Variants in PRORP observed in about 807,000 individuals in gnomAD.
PRORP encodes the protein protein only RNase P catalytic subunit, also known as mitochondrial ribonuclease P catalytic subunit.
A neutral mutation model predicts 59.4 loss-of-function variants in PRORP; 51 were observed. That is an observed-to-expected ratio of 0.86 (90% CI 0.69 to 1.08). The LOEUF is 1.08. PRORP is among the 50% of genes least tolerant of loss of function. The pLI, the probability that PRORP is intolerant of heterozygous loss-of-function variation, is 0.00. For missense variants in PRORP, 646 were observed against 690.3 expected (o/e 0.94, Z 0.72); for synonymous variants, 231 against 245.6 (o/e 0.94, Z 0.55).
At chr14:35,166,938 T>C (rs1005205276) in intron 4 of PRORP, among the ~76,000 whole-genome samples, 2 of 152,154 alleles carry the variant, frequency 1.3e-5, no homozygotes, top group African/African-American at 2.4e-5. Context: ...ACCTTTTGGA[T>C]CTAGACTCAT....
Position 35,178,808 on chromosome 14 carries a change from A to G in PRORP, c.1168-1862A>G, listed in dbSNP as rs368528825. Among the ~76,000 whole-genome samples, 16 of 152,282 alleles carry G rather than the reference A, an allele frequency of 1.1e-4. No homozygotes were observed. The East Asian group carries it at 2.5e-3, about 24-fold the overall frequency. ...GTGATGTTAGCTGGTTATTTTGCTC[A>G]TTAGTTGATGCAGTTTCTTCCTAGC... On this transcript the variant is annotated intron_variant, in intron 4 of 7. Coordinates refer to ENST00000534898, the MANE Select transcript of PRORP (RefSeq NM_014672.4).
At chr14:35,167,379 T>C (rs958135489) in intron 4 of PRORP, among the ~76,000 whole-genome samples, 5 of 152,202 alleles carry the variant, frequency 3.3e-5, no homozygotes, top group Non-Finnish European at 5.9e-5. Context: ...TCTACTCTTT[T>C]TTGTCTCCAA....
intron 5 of PRORP, among the ~76,000 whole-genome samples, chr14:35,249,839 C>T (rs373754587): frequency 2.8e-4 from 42 of 152,128 alleles, no homozygotes; most frequent in African/African-American, 9.2e-4. Context: ...AATTAATTTG[C>T]TCTTCTTTCA....
intron 5 of PRORP, among the ~76,000 whole-genome samples, chr14:35,256,326 C>CTTTTTTTT (rs1178856754): frequency 2.4e-5 from 2 of 82,814 alleles, no homozygotes; most frequent in African/African-American, 5.5e-5. Flanking sequence ...TTGTGCGTAT[C>CTTTTTTTT]TTTTTTTTTT....
intron 5 of PRORP, among the ~76,000 whole-genome samples, chr14:35,261,358 A>G (rs527532446): frequency 1.2e-4 from 18 of 152,182 alleles, no homozygotes; most frequent in Non-Finnish European, 1.9e-4. Flanking sequence ...GGAGAAGTAC[A>G]TCTACTCCAT....
chr14:35,256,067 C>CCT (rs2050744309), intron 5 of PRORP, among the ~76,000 whole-genome samples: 1 of 151,594 alleles, frequency 6.6e-6, no homozygotes, highest in Admixed American at 6.6e-5. Flanking sequence ...GGGCGGATCA[C>CCT]GAGGTCAGGA....
At chr14:35,224,790 CATT>C (rs946103755) in intron 5 of PRORP, among the ~76,000 whole-genome samples, 70 of 152,198 alleles carry the variant, frequency 4.6e-4, no homozygotes, top group African/African-American at 1.5e-3. Flanking sequence ...GTTCCTTCCA[CATT>C]ATTATTGTCT....
At chr14:35,204,897 G>T (rs1379730283) in intron 5 of PRORP, among the ~76,000 whole-genome samples, 1 of 152,012 alleles carries the variant, frequency 6.6e-6, no homozygotes, top group Non-Finnish European at 1.5e-5. Context: ...AGAATTTCAC[G>T]TGTACCAGCA....
intron 5 of PRORP, among the ~76,000 whole-genome samples, chr14:35,211,597 C>T (rs1386875190): frequency 6.6e-6 from 1 of 152,140 alleles, no homozygotes; most frequent in East Asian, 1.9e-4. Flanking sequence ...ATAAAAGTTA[C>T]GTTTATACTA....
At position 35,176,947 on chromosome 14, in the gene PRORP, G is replaced by A. The variant is rs570484561; in HGVS notation, c.1168-3723G>A. On this transcript the variant is annotated intron_variant, in intron 4 of 7. Coordinates refer to ENST00000534898, the MANE Select transcript of PRORP (RefSeq NM_014672.4). ...ACCTAATTTATTGAGAGTTTTTAGCGTGAAGGGCTGTTGAATTTTGTCAAA... is the reference window on the plus strand; with the variant it reads ...ACCTAATTTATTGAGAGTTTTTAGCATGAAGGGCTGTTGAATTTTGTCAAA... Among the ~76,000 whole-genome samples, 13 of 152,154 alleles carry A rather than the reference G, an allele frequency of 8.5e-5. No homozygotes were observed. In the East Asian group the frequency reaches 9.7e-4, roughly 11 times the overall value.
At position 35,207,931 on chromosome 14, in the gene PRORP, C is replaced by T. The variant is rs184125066; in HGVS notation, c.1275+27154C>T. ...CTTTGGGAGGCCGAGGCGGGTGGAT[C>T]ACAAGGTCAGGAGTTCAAGACCAGC... On this transcript the variant is annotated intron_variant, in intron 5 of 7. Coordinates refer to ENST00000534898, the MANE Select transcript of PRORP (RefSeq NM_014672.4). Among the ~76,000 whole-genome samples the T allele has an allele frequency of 4.9e-4, 75 of 152,262 alleles. 2 individuals carry two copies. The East Asian group carries it at 0.014, about 29-fold the overall frequency.
chr14:35,226,014 T>G (rs764773884), intron 5 of PRORP, among the ~76,000 whole-genome samples: 50 of 152,352 alleles, frequency 3.3e-4, no homozygotes, highest in Non-Finnish European at 6.3e-4. Context: ...TAGTGATACC[T>G]GTTATTACTC....
chr14:35,264,083 A>G (rs1312031075), intron 5 of PRORP, among the ~76,000 whole-genome samples: 5 of 151,868 alleles, frequency 3.3e-5, no homozygotes, highest in South Asian at 2.1e-4. Context: ...TCACAGGTGC[A>G]TGCCACCATG....
intron 5 of PRORP, among the ~76,000 whole-genome samples, chr14:35,261,827 G>A (rs1316388938): frequency 1.3e-5 from 2 of 152,158 alleles, no homozygotes; most frequent in African/African-American, 4.8e-5. Flanking sequence ...TGGGTTCATG[G>A]CTGGACTGTC....
intron 5 of PRORP, among the ~76,000 whole-genome samples, chr14:35,182,630 G>T (rs760238840): frequency 6.6e-6 from 1 of 152,218 alleles, no homozygotes; most frequent in Non-Finnish European, 1.5e-5. Context: ...GGGCGACAGA[G>T]TGAGACTCCT....
At chr14:35,171,067 T>C (rs1323054043) in intron 4 of PRORP, among the ~76,000 whole-genome samples, 1 of 152,226 alleles carries the variant, frequency 6.6e-6, no homozygotes, top group Non-Finnish European at 1.5e-5. Flanking sequence ...CAGGCTGGTC[T>C]TGAACTCCCG....
intron 5 of PRORP, among the ~76,000 whole-genome samples, chr14:35,256,544 C>T (rs1222470568): frequency 6.6e-6 from 1 of 151,710 alleles, no homozygotes; most frequent in Non-Finnish European, 1.5e-5. Flanking sequence ...GTTGGTCAGT[C>T]TGGTCTCGAA....
At chr14:35,234,151 T>C (rs992713876) in intron 5 of PRORP, among the ~76,000 whole-genome samples, 1 of 152,182 alleles carries the variant, frequency 6.6e-6, no homozygotes, top group Admixed American at 6.5e-5. Context: ...TTTGTGCATG[T>C]AGGGTTGGAA....
At chr14:35,193,484 G>C (rs2048934624) in intron 5 of PRORP, among the ~76,000 whole-genome samples, 1 of 152,132 alleles carries the variant, frequency 6.6e-6, no homozygotes. Context: ...GTGTTTACTT[G>C]ACAGTAAGTT....
Sources: allele counts gnomAD v4.1 joint callset (sites outside exome capture counted in the v4.1 genomes callset), GRCh38; gene constraint gnomAD v4.1.1; transcripts MANE v1.5; gene names NCBI Gene and HGNC (gene_info 2026-07-23, HGNC 2026-07-21).